The following TLL1 variants were observed in gnomAD, a reference collection of about 807,000 sequenced individuals.
TLL1 encodes tolloid-like protein 1.
Under a neutral mutation model 128.2 loss-of-function variants are expected in TLL1, and 49 were observed. That is an observed-to-expected ratio of 0.38 (90% CI 0.30 to 0.48). The LOEUF (loss-of-function observed/expected upper bound fraction) is 0.48, where lower values mean the gene tolerates loss of function less well. Among genes scored for constraint, TLL1 ranks in the 20% least tolerant of loss-of-function variants. The pLI is 0.96. For synonymous variants in TLL1, 454 were observed against 418.8 expected (o/e 1.08, Z -1.03); for missense variants, 1,123 against 1,242.0 (o/e 0.90, Z 1.44).
chr4:166,082,113 G>A (rs974097000), intron 18 of TLL1, among the ~76,000 whole-genome samples: 2 of 152,122 alleles, frequency 1.3e-5, no homozygotes, highest in East Asian at 3.9e-4. Context: ...TGGAGTTTGT[G>A]TTTTTTGTGG....
At chr4:166,096,552 A>G (rs900888891) in intron 19 of TLL1, among the ~76,000 whole-genome samples, 5 of 151,872 alleles carry the variant, frequency 3.3e-5, no homozygotes, top group Non-Finnish European at 7.4e-5. Context: ...GTGGCTGGCG[A>G]AGGGTTGCTT....
chr4:165,929,936 A>G (rs1286218437), intron 1 of TLL1, among the ~76,000 whole-genome samples: 1 of 152,238 alleles, frequency 6.6e-6, no homozygotes, highest in Non-Finnish European at 1.5e-5. Context: ...AGTTTGAAGT[A>G]GTCTGACATT....
Position 165,874,016 on chromosome 4 carries a change from G to C in TLL1, c.112G>C (p.Asp38His), listed in dbSNP as rs1202207880. 6.2e-7 allele frequency: 1 copy of C among 1,614,178 alleles called. No homozygotes were observed. The highest frequency in any genetic ancestry group is 1.1e-5 in the South Asian group (1 of 91,088). The change falls in exon 1 of 21, where the codon GAT (aspartate) becomes CAT (histidine). Residue 38 changes from aspartate (D) to histidine (H), a missense_variant. Asp to His is a moderately conservative substitution (Grantham distance 81, BLOSUM62 -1). Coordinates refer to ENST00000061240, the MANE Select transcript of TLL1 (RefSeq NM_012464.5). Reference protein sequence around the residue: ...CAGLDYDYTFDGNEEDKTETI... With the variant: ...CAGLDYDYTFHGNEEDKTETI... ...TGGCCTCGATTATGATTACACTTTT[G>C]ATGGGAACGAAGAGGATAAAACAGA...
intron 1 of TLL1, among the ~76,000 whole-genome samples, chr4:165,958,137 T>G (rs1396571463): frequency 7.1e-6 from 1 of 140,510 alleles, no homozygotes; most frequent in African/African-American, 2.7e-5. Flanking sequence ...TGGTTCCAAG[T>G]CTTTGCTATT....
intron 1 of TLL1, among the ~76,000 whole-genome samples, chr4:165,956,786 A>G (rs569093836): frequency 6.6e-6 from 1 of 152,220 alleles, no homozygotes; most frequent in Admixed American, 6.5e-5. Flanking sequence ...ATAAAAGTAT[A>G]ATTTGGGAAC....
At chr4:166,001,707 G>T (rs898737567) in intron 5 of TLL1, among the ~76,000 whole-genome samples, 1 of 150,678 alleles carries the variant, frequency 6.6e-6, no homozygotes, top group Non-Finnish European at 1.5e-5. Context: ...GCTGTCAGGA[G>T]AATCACTTGA....
chr4:166,055,385 A>G (rs1398707196), intron 13 of TLL1, 114 bp downstream of exon 13: 1 of 925,914 alleles, frequency 1.1e-6, no homozygotes, highest in Non-Finnish European at 1.7e-6. Flanking sequence ...GAATATGAAT[A>G]AGGATATTTT....
chr4:166,094,056 A>G (rs1391895213), intron 19 of TLL1, among the ~76,000 whole-genome samples: 2 of 152,146 alleles, frequency 1.3e-5, no homozygotes, highest in African/African-American at 2.4e-5. Flanking sequence ...TAGACACAGT[A>G]ATAGTCTGAT....
chr4:165,964,393 G>A (rs1400493141), intron 1 of TLL1, among the ~76,000 whole-genome samples: 2 of 152,156 alleles, frequency 1.3e-5, no homozygotes, highest in Admixed American at 6.6e-5. Context: ...TAATGTACAA[G>A]CTATAAAGTA....
chr4:166,098,160 C>G (rs111312300), intron 19 of TLL1, among the ~76,000 whole-genome samples: 2,359 of 151,848 alleles, frequency 0.016, 30 homozygotes, highest in South Asian at 0.063. Flanking sequence ...ATGATGAAAC[C>G]CTGTCTCTAC....
intron 1 of TLL1, among the ~76,000 whole-genome samples, chr4:165,951,428 AG>A (rs1478917571): frequency 6.6e-6 from 1 of 152,084 alleles, no homozygotes; most frequent in Non-Finnish European, 1.5e-5. Context: ...CCTAACAAAA[AG>A]TCTGTCTTGG....
At chr4:165,887,572 A>C (rs927563070) in intron 1 of TLL1, among the ~76,000 whole-genome samples, 3 of 152,152 alleles carry the variant, frequency 2.0e-5, no homozygotes, top group Non-Finnish European at 2.9e-5. Flanking sequence ...GGTTTTGAGA[A>C]CCCTTTGACT....
chr4:166,028,273 G>A (rs1014856055), intron 9 of TLL1, among the ~76,000 whole-genome samples: 1 of 151,848 alleles, frequency 6.6e-6, no homozygotes, highest in Admixed American at 6.6e-5. Flanking sequence ...TTTTTCTATT[G>A]TTATTATTTC....
intron 15 of TLL1, among the ~76,000 whole-genome samples, chr4:166,062,627 A>G (rs1230233179): frequency 2.6e-5 from 4 of 152,160 alleles, no homozygotes; most frequent in Admixed American, 2.6e-4. Flanking sequence ...GGCAGAGATG[A>G]TGGAGTTTTC....
intron 1 of TLL1, among the ~76,000 whole-genome samples, chr4:165,982,531 C>G (rs1222022073): frequency 6.6e-6 from 1 of 151,346 alleles, no homozygotes; most frequent in African/African-American, 2.4e-5. Context: ...AGGTATTAAC[C>G]AAAGAGAAAG....
intron 9 of TLL1, among the ~76,000 whole-genome samples, chr4:166,027,893 A>G (rs895983441): frequency 6.6e-6 from 1 of 152,118 alleles, no homozygotes; most frequent in African/African-American, 2.4e-5. Context: ...TCTTGTATGT[A>G]TGATTATCTA....
intron 9 of TLL1, among the ~76,000 whole-genome samples, chr4:166,035,128 G>A (rs1440063788): frequency 2.6e-5 from 4 of 152,116 alleles, no homozygotes; most frequent in African/African-American, 9.7e-5. Flanking sequence ...AAACCATAGC[G>A]AGAGGTGTAA....
intron 1 of TLL1, among the ~76,000 whole-genome samples, chr4:165,970,115 CCT>C (rs1735567575): frequency 6.6e-6 from 1 of 151,976 alleles, no homozygotes; most frequent in Non-Finnish European, 1.5e-5. Context: ...CTGTAGAAGA[CCT>C]CTTTTTTGAA....
intron 12 of TLL1, among the ~76,000 whole-genome samples, chr4:166,051,319 C>CTTCCTTCCTTCCTTCCTTCCTTCA (rs1739722962): frequency 6.9e-6 from 1 of 145,488 alleles, no homozygotes; most frequent in African/African-American, 2.5e-5. Flanking sequence ...TCCTTCCTTC[C>CTTCCTTCCTTCCTTCCTTCCTTCA]TTCCTTCTTT....
Sources: gnomAD v4.1 joint callset for allele counts (sites outside exome capture counted in the v4.1 genomes callset) on GRCh38, gnomAD v4.1.1 for gene constraint, MANE v1.5 for transcripts, NCBI Gene and HGNC (gene_info 2026-07-23, HGNC 2026-07-21) for gene names.